Variants in CACNA1H observed in about 807,000 individuals in gnomAD.
CACNA1H encodes the protein voltage-dependent T-type calcium channel subunit alpha-1H.
A neutral mutation model predicts 192.5 loss-of-function variants in CACNA1H; 149 were observed. The ratio of observed to expected loss-of-function variants is 0.77; its 90% CI spans 0.68 to 0.89. The LOEUF is 0.89. Among genes scored for constraint, CACNA1H ranks in the 40% least tolerant of loss-of-function variants. CACNA1H has a pLI of 0.00. For missense variants in CACNA1H, 4,257 were observed against 3,423.5 expected, an observed-to-expected ratio of 1.24 and a Z score of -6.08; for synonymous variants, 2,202 against 1,475.2, an observed-to-expected ratio of 1.49 and a Z score of -11.29.
chr16:1,187,332 G>T (rs896270027), intron 2 of CACNA1H, among the ~76,000 whole-genome samples: 7 of 152,206 alleles, frequency 4.6e-5, no homozygotes, highest in African/African-American at 1.2e-4. Context: ...TACAGAGAGG[G>T]GAGCACGTGG....
In CACNA1H at chr16:1,207,338, G is replaced by A. The variant is rs758858169; in HGVS notation, c.2971G>A (p.Ala991Thr). 6.2e-7 allele frequency: 1 copy of A among 1,611,994 alleles called. No homozygotes were observed. ...CGGCATGGCCTCCACCTCCTCCTGG[G>A]CCGCCCTCTACTTCGTGGCCCTCAT... ...YNGMASTSSW[A>T]ALYFVALMTF... The change falls in exon 14 of 35, where the codon GCC (alanine) becomes ACC (threonine). Residue 991 changes from alanine to threonine, a missense_variant. Coordinates refer to ENST00000348261, the MANE Select transcript of CACNA1H (RefSeq NM_021098.3).
rs1229355311 is a variant in CACNA1H at position 1,210,507 on chromosome 16, C to T, written c.3969+14C>T. On this transcript the variant is annotated intron_variant, in intron 19 of 34. Coordinates refer to ENST00000348261, the MANE Select transcript of CACNA1H (RefSeq NM_021098.3). The stretch of plus-strand genomic sequence containing the variant: ...CCCGGCAGCACCGTGAGTCAGCCAA[C>T]CCCATCGTCCCGGGCCACCACGACC... 2.5e-6 allele frequency: 4 copies of T among 1,611,248 alleles called. No homozygotes were observed. Among genetic ancestry groups the T allele is most frequent in the Non-Finnish European group, 3.4e-6 (4 of 1,179,574 alleles).
At chr16:1,188,865 G>GGCTGCTGATTCAGCACCATGGACAGCA (rs1966323758) in intron 2 of CACNA1H, among the ~76,000 whole-genome samples, 1 of 152,186 alleles carries the variant, frequency 6.6e-6, no homozygotes, top group Admixed American at 6.5e-5. Flanking sequence ...GCCCAGGCGA[G>GGCTGCTGATTCAGCACCATGGACAGCA]GCTGCTGATT....
At chr16:1,212,744 G>A (rs1461691814) in intron 26 of CACNA1H, among the ~76,000 whole-genome samples, 1 of 152,200 alleles carries the variant, frequency 6.6e-6, no homozygotes, top group African/African-American at 2.4e-5. Context: ...CAGTCTGCCT[G>A]CATCTCCGCC....
chr16:1,212,178 A>G lies in CACNA1H; in HGVS notation c.4759+40A>G, dbSNP rs1383944958. On this transcript the variant is annotated intron_variant, in intron 25 of 34. Transcript: ENST00000348261. ...GTGGCGGTGGCGGTGGCGGGTCGGT[A>G]CCTGTGTGCCCACCGGGCCCTCCAG... The G allele has an allele frequency of 5.7e-6, 9 of 1,568,754 alleles. No homozygotes were observed. In the East Asian group the frequency reaches 1.4e-4, roughly 24 times the overall value.
rs3751889 is a variant in CACNA1H at position 1,220,055 on chromosome 16, T to C, written c.6123T>C (p.Gly2041=). 39,077 of 1,427,114 alleles carry C rather than the reference T, an allele frequency of 0.027. 1,083 individuals are homozygous for C. Among genetic ancestry groups the C allele is most frequent in the African/African-American group, 0.13 (8,919 of 66,858 alleles). The allele number at this position is 1,427,114 out of a possible 1,614,324, so 88.4% of individuals were successfully genotyped here. ...PRDTLDPAEP[G]EKTPVRPVTQ... is the part of the protein sequence containing the mutation. The stretch of plus-strand genomic sequence containing the variant: ...ACACCCTGGATCCTGCAGAGCCTGG[T>C]GAGAAAACCCCGGTGAGGCCGGTGA... Residue 2041 remains glycine (G), a synonymous_variant, in exon 35 of 35, where the codon GGT becomes GGC. Transcript: ENST00000348261.
At position 1,210,976 on chromosome 16, in the gene CACNA1H, G is replaced by A. The variant is rs776869097; in HGVS notation, c.4223+5G>A. On this transcript the variant is annotated splice_donor_5th_base_variant and intron_variant, in intron 21 of 34. Coordinates refer to ENST00000348261, the MANE Select transcript of CACNA1H (RefSeq NM_021098.3). ...GCGGACCCTGCGGCCTCTGAGGTGG[G>A]GGGCTCCCCGTGGGCTCCCGGGGCA... 3 of 1,592,440 alleles carry A rather than the reference G, an allele frequency of 1.9e-6. No homozygotes were observed. In the South Asian group the frequency reaches 3.3e-5, roughly 18 times the overall value.
At chr16:1,213,986 A>G in intron 27 of CACNA1H, 55 bp downstream of exon 27, 1 of 1,476,358 alleles carries the variant, frequency 6.8e-7, no homozygotes, top group Non-Finnish European at 9.3e-7. Context: ...CCAGTGGGGC[A>G]GCCAACACAG....
At chr16:1,202,518 G>T in intron 9 of CACNA1H, 66 bp downstream of exon 9, 1 of 1,366,290 alleles carries the variant, frequency 7.3e-7, no homozygotes, top group Non-Finnish European at 9.7e-7. Flanking sequence ...AGGGTCTCCG[G>T]TGTGTCATTC....
rs1965365176 is a variant in CACNA1H at position 1,180,594 on chromosome 16, G to A, written c.300-14378G>A. ...GGCCGTGGGGGGGCCAGGGAGGAGG[G>A]GCTGCTCTCCATAGTGTGTCGGGTG... is the stretch of plus-strand genomic sequence containing the variant. On this transcript the variant is annotated intron_variant, in intron 2 of 34. Coordinates refer to ENST00000348261, the MANE Select transcript of CACNA1H (RefSeq NM_021098.3). This position sits in a 1 kb window ranked among gnomAD's most constrained non-coding sequence, Gnocchi z 4.4. 6.6e-6 allele frequency among the ~76,000 whole-genome samples: 1 copy of A among 152,162 alleles called. No homozygotes were observed.
Position 1,209,032 on chromosome 16 carries a change from G to A in CACNA1H, c.3364G>A (p.Ala1122Thr), listed in dbSNP as rs748029194. 6.6e-7 allele frequency: 1 copy of A among 1,504,016 alleles called. No homozygotes were observed. Among genetic ancestry groups the A allele is most frequent in the South Asian group, 1.3e-5 (1 of 74,788 alleles). 93.2% of individuals were successfully genotyped at this position (1,504,016 alleles called of 1,614,324 possible). Residue 1122 changes from alanine to threonine, a missense_variant and splice_region_variant, in exon 17 of 35, where the codon GCC becomes ACC. Transcript: ENST00000348261. ...GTCACTGACTCCCGCCACCCCCCAGGCCAGCCTCCGAAGTTCTCCCTGTGC... is the reference window on the plus strand; with the variant it reads ...GTCACTGACTCCCGCCACCCCCCAGACCAGCCTCCGAAGTTCTCCCTGTGC... ...DPPLGDQKPP[A>T]SLRSSPCAPW...
In CACNA1H at chr16:1,221,277, C is replaced by T. The variant is rs904230312; in HGVS notation, c.*283C>T. ...CAGCCTCCCGTCAGGAGAGAAGCCG[C>T]GTCTGTGGGACGAAGACCGGGCACC... On this transcript the variant is annotated 3_prime_UTR_variant, in exon 35 of 35. Transcript: ENST00000348261. 31 of 438,826 alleles carry T rather than the reference C, an allele frequency of 7.1e-5. No individual in the cohort carries two copies. The highest frequency in any genetic ancestry group is 4.8e-5 in the Non-Finnish European group (12 of 249,576). The allele number at this position is 438,826 out of a possible 1,614,324, so 27.2% of individuals were successfully genotyped here.
In CACNA1H at chr16:1,219,148, C is replaced by T. The variant is rs72552057; in HGVS notation, c.6048+18C>T. ...GCAGACAGGTAGGAGAAGCCGTTGG[C>T]CTGCAGCAGAGGCTGGCGGGGATGG... On this transcript the variant is annotated intron_variant, in intron 34 of 34. Coordinates refer to ENST00000348261, the MANE Select transcript of CACNA1H (RefSeq NM_021098.3). 2.0e-6 allele frequency: 3 copies of T among 1,512,484 alleles called. No homozygotes were observed. The highest frequency in any genetic ancestry group is 1.8e-6 in the Non-Finnish European group (2 of 1,126,602). 93.7% of individuals were successfully genotyped at this position (1,512,484 alleles called of 1,614,324 possible).
Position 1,211,244 on chromosome 16 carries a change from G to A in CACNA1H, c.4300G>A (p.Val1434Ile), listed in dbSNP as rs1596458213. ...ISSLRPIGNIVLICCAFFIIF... is the reference protein window; with the variant it reads ...ISSLRPIGNIILICCAFFIIF... Reference sequence around the variant, plus strand: ...ATCACTCAGGCCCATTGGGAACATCGTCCTCATCTGCTGCGCCTTCTTCAT... The same window carrying A: ...ATCACTCAGGCCCATTGGGAACATCATCCTCATCTGCTGCGCCTTCTTCAT... Residue 1434 changes from valine to isoleucine, a missense_variant, in exon 22 of 35, where the codon GTC becomes ATC. Val to Ile is a conservative substitution (Grantham distance 29). Coordinates refer to ENST00000348261, the MANE Select transcript of CACNA1H (RefSeq NM_021098.3). 8 of 1,613,118 alleles carry A rather than the reference G, an allele frequency of 5.0e-6. No homozygotes were observed. Among genetic ancestry groups the A allele is most frequent in the South Asian group, 4.4e-5 (4 of 91,086 alleles).
At chr16:1,176,708 CTG>C (rs919010205) in intron 2 of CACNA1H, among the ~76,000 whole-genome samples, 9 of 152,192 alleles carry the variant, frequency 5.9e-5, no homozygotes, top group Admixed American at 3.9e-4. Context: ...CACCAAGTCT[CTG>C]TGACCCACAG....
chr16:1,184,469 C>T (rs1191343394), intron 2 of CACNA1H, among the ~76,000 whole-genome samples: 2 of 152,262 alleles, frequency 1.3e-5, no homozygotes, highest in Non-Finnish European at 2.9e-5. Context: ...GGCTCATCAC[C>T]TGCCGGCCTG....
rs79758912 is a variant in CACNA1H at position 1,174,224 on chromosome 16, G to A, written c.299+20188G>A. On this transcript the variant is annotated intron_variant, in intron 2 of 34. Transcript: ENST00000348261. ...TTTGCTCCTCCCTCTCATGGCACCC[G>A]GCTGAAGTCTCCTGTGGGGCTCCTG... Among the ~76,000 whole-genome samples, 1,152 of 152,270 alleles carry A rather than the reference G, an allele frequency of 7.6e-3. 13 individuals are homozygous for A. Among genetic ancestry groups the A allele is most frequent in the African/African-American group, 0.026 (1,083 of 41,544 alleles).
Position 1,202,312 on chromosome 16 carries a change from TG to T in CACNA1H, c.1865del (p.Gly622AlafsTer28). 3 of 1,583,492 alleles carry T rather than the reference TG, an allele frequency of 1.9e-6. No individual in the cohort carries two copies. Among genetic ancestry groups the T allele is most frequent in the Non-Finnish European group, 2.6e-6 (3 of 1,167,190 alleles). On this transcript the variant is annotated frameshift_variant, in exon 9 of 35. Coordinates refer to ENST00000348261, the MANE Select transcript of CACNA1H (RefSeq NM_021098.3). LOFTEE classifies it high-confidence loss of function. ...MNYPTILPSG[V>X]GSGKGSTSPG... ...TACCCCACGATCCTGCCCTCAGGGG[TG>T]GGCAGCGGCAAAGGCAGCACCAGCC...
Position 1,221,743 on chromosome 16 carries a change from GAATA to G in CACNA1H, c.*754_*757del, listed in dbSNP as rs1555521616. The G allele has an allele frequency of 1.7e-5, 26 of 1,525,642 alleles. No homozygotes were observed. Among genetic ancestry groups the G allele is most frequent in the Non-Finnish European group, 2.3e-5 (26 of 1,126,466 alleles). The allele number at this position is 1,525,642 out of a possible 1,614,324, so 94.5% of individuals were successfully genotyped here. On this transcript the variant is annotated 3_prime_UTR_variant, in exon 35 of 35. Coordinates refer to ENST00000348261, the MANE Select transcript of CACNA1H (RefSeq NM_021098.3). The stretch of plus-strand genomic sequence containing the variant: ...CAAGGGAGAGGGAGGGGGCGGAGCG[GAATA>G]AATAGTAACTTATTTAAGAAATGCA...
Sources: gnomAD v4.1 joint callset for allele counts (sites outside exome capture counted in the v4.1 genomes callset) on GRCh38, gnomAD v4.1.1 for gene constraint, Gnocchi (gnomAD v3.1) non-coding constraint, MANE v1.5 for transcripts, NCBI Gene and HGNC (gene_info 2026-07-23, HGNC 2026-07-21) for gene names.